SMC5: variants seen among roughly 807,000 people sequenced by gnomAD.
The protein encoded by SMC5 is structural maintenance of chromosomes 5.
In SMC5, 88 loss-of-function variants were observed where a neutral mutation model predicts 148.3. That is an observed-to-expected ratio of 0.59 (90% confidence interval 0.50 to 0.71). SMC5 has a LOEUF of 0.71. Among genes scored for constraint, SMC5 ranks in the 30% least tolerant of loss-of-function variants. SMC5 has a pLI of 0.00. For missense variants in SMC5, 1,142 were observed against 1,298.9 expected (o/e 0.88, Z 1.86); for synonymous variants, 421 against 432.8 (o/e 0.97, Z 0.34).
rs1051399673 is a variant in SMC5, at chr9:70,353,212, T to G, written c.*881T>G. Reference sequence around the variant, plus strand: ...TTCATATACTGGTTTCTACAATTTATATTTGAAATTTCTCAGTGTTATGTA... The same window carrying G: ...TTCATATACTGGTTTCTACAATTTAGATTTGAAATTTCTCAGTGTTATGTA... On this transcript the variant is annotated 3_prime_UTR_variant, in exon 25 of 25. Coordinates refer to ENST00000361138, the MANE Select transcript of SMC5 (RefSeq NM_015110.4). 6.6e-6 allele frequency: 1 copy of G among 152,174 alleles called. No homozygotes were observed. The highest frequency in any genetic ancestry group is 6.5e-5 in the Admixed American group (1 of 15,278). 9.4% of individuals were successfully genotyped at this position (152,174 alleles called of 1,614,324 possible). A position where few individuals can be genotyped will look rare whatever the true frequency, so the allele number is the denominator to read the frequency against.
intron 17 of SMC5, among the ~76,000 whole-genome samples, chr9:70,340,664 A>G (rs2036497222): frequency 6.6e-6 from 1 of 152,098 alleles, no homozygotes; most frequent in African/African-American, 2.4e-5. Flanking sequence ...TCATATAGAA[A>G]ATGGTTTTCA....
rs144724412 is a variant in SMC5, at chr9:70,291,168, T to C, written c.1053+4897T>C. On this transcript the variant is annotated intron_variant, in intron 8 of 24. Coordinates refer to ENST00000361138, the MANE Select transcript of SMC5 (RefSeq NM_015110.4). ...TCTTATTCTTGGTCATATGTGGCTA[T>C]TGAAGTCACTACTAGGTTAGTTTAG... 3.9e-3 allele frequency among the ~76,000 whole-genome samples: 597 copies of C among 152,290 alleles called. 3 individuals carry two copies. Among genetic ancestry groups the C allele is most frequent in the African/African-American group, 0.013 (552 of 41,552 alleles).
chr9:70,280,488 T>C (rs1241214888), intron 5 of SMC5, among the ~76,000 whole-genome samples: 1 of 152,238 alleles, frequency 6.6e-6, no homozygotes, highest in African/African-American at 2.4e-5. Context: ...GAGCCTGGGC[T>C]CAGATGTGAC....
At chr9:70,271,404 A>G (rs1166001168) in intron 3 of SMC5, among the ~76,000 whole-genome samples, 3 of 152,202 alleles carry the variant, frequency 2.0e-5, no homozygotes, top group South Asian at 4.1e-4. Flanking sequence ...ACAGCTCATC[A>G]TTAGTTGTTG....
In SMC5 at chr9:70,259,045, A is replaced by G; in HGVS notation, c.-34A>G. 6.4e-7 allele frequency: 1 copy of G among 1,571,818 alleles called. No individual in the cohort carries two copies. The highest frequency in any genetic ancestry group is 8.6e-7 in the Non-Finnish European group (1 of 1,157,888). ...GCGCCTGGGCTGCCGGACGGTGGGA[A>G]CGGAAGTCGCTGTGGGACGCTGAGG... On this transcript the variant is annotated 5_prime_UTR_variant, in exon 1 of 25. Transcript: ENST00000361138.
At chr9:70,274,271 TG>T (rs1564024217) in intron 3 of SMC5, among the ~76,000 whole-genome samples, 2 of 151,980 alleles carry the variant, frequency 1.3e-5, no homozygotes, top group African/African-American at 4.8e-5. Context: ...TTAGTAGAGA[TG>T]GGGTTTCACC....
At chr9:70,294,445 G>C (rs1320408096) in intron 8 of SMC5, among the ~76,000 whole-genome samples, 1 of 152,164 alleles carries the variant, frequency 6.6e-6, no homozygotes, top group African/African-American at 2.4e-5. Context: ...TTCCTGGCCA[G>C]TGTGACATAA....
chr9:70,328,603 G>A (rs1440408123), intron 17 of SMC5, among the ~76,000 whole-genome samples: 2 of 152,218 alleles, frequency 1.3e-5, no homozygotes, highest in Non-Finnish European at 2.9e-5. Flanking sequence ...AGCCCCCACA[G>A]CTGCTTTCAT....
rs147198654 is a variant in SMC5, at chr9:70,333,303, G to C, written c.2397+9160G>C. ...TTTTAAAACAGTACTATTTACAATA[G>C]CATCAAAAATGAAATACCTGGCTGG... On this transcript the variant is annotated intron_variant, in intron 17 of 24. Transcript: ENST00000361138. Among the ~76,000 whole-genome samples the C allele has an allele frequency of 5.6e-4, 85 of 152,182 alleles. No individual in the cohort carries two copies. In the East Asian group the frequency reaches 0.015, roughly 28 times the overall value.
At position 70,318,564 on chromosome 9, in the gene SMC5, T is replaced by C; in HGVS notation, c.1857T>C (p.Tyr619=). The C allele has an allele frequency of 6.2e-7, 1 of 1,611,850 alleles. No individual in the cohort carries two copies. Among genetic ancestry groups the C allele is most frequent in the Non-Finnish European group, 8.5e-7 (1 of 1,178,956 alleles). The change falls in exon 14 of 25, where the codon TAT becomes TAC. Residue 619 remains tyrosine (Y), a synonymous_variant. Transcript: ENST00000361138. ...LKQIYTAEEK[Y]VVKTSFYSNK... Reference sequence around the variant, plus strand: ...AGATTTATACAGCAGAAGAAAAGTATGTGGTGAAAACTTCTTTTTATTCAA... The same window carrying C: ...AGATTTATACAGCAGAAGAAAAGTACGTGGTGAAAACTTCTTTTTATTCAA...
intron 7 of SMC5, among the ~76,000 whole-genome samples, chr9:70,283,370 G>A (rs2034806752): frequency 6.6e-6 from 1 of 152,178 alleles, no homozygotes; most frequent in Non-Finnish European, 1.5e-5. Flanking sequence ...ATGAGGCTGA[G>A]GCAGGAGGAT....
At chr9:70,283,807 A>G (rs1419364010) in intron 7 of SMC5, among the ~76,000 whole-genome samples, 1 of 152,124 alleles carries the variant, frequency 6.6e-6, no homozygotes, top group East Asian at 1.9e-4. Flanking sequence ...TTTTTTTTAC[A>G]GGCATCATCT....
chr9:70,323,252 G>A (rs1167333987), intron 15 of SMC5, among the ~76,000 whole-genome samples: 1 of 152,072 alleles, frequency 6.6e-6, no homozygotes, highest in Admixed American at 6.6e-5. Context: ...TTCGTTTCTG[G>A]TTTTTAGCTA....
chr9:70,267,705 C>T (rs959450078), intron 2 of SMC5, among the ~76,000 whole-genome samples: 2 of 151,898 alleles, frequency 1.3e-5, no homozygotes, highest in African/African-American at 2.4e-5. Context: ...CATAGGAGTT[C>T]GATAAATCTT....
At chr9:70,348,269 C>A (rs940272469) in intron 22 of SMC5, among the ~76,000 whole-genome samples, 7 of 151,908 alleles carry the variant, frequency 4.6e-5, no homozygotes, top group African/African-American at 1.7e-4. Flanking sequence ...TTTTATACAT[C>A]TGAGTAATGG....
chr9:70,268,353 G>C (rs2034349764), intron 3 of SMC5, among the ~76,000 whole-genome samples: 1 of 152,086 alleles, frequency 6.6e-6, no homozygotes, highest in Admixed American at 6.5e-5. Context: ...GTCTGAGGCA[G>C]GAGAATTGCT....
In SMC5 at chr9:70,319,050, A is replaced by G. The variant is rs530303821; in HGVS notation, c.2150+87A>G. 1.4e-3 allele frequency: 1,557 copies of G among 1,140,968 alleles called. 3 individuals carry two copies. The highest frequency in any genetic ancestry group is 1.7e-3 in the Non-Finnish European group (1,415 of 841,254). The allele number at this position is 1,140,968 out of a possible 1,614,324, so 70.7% of individuals were successfully genotyped here. ...ACACTGTAATAACAACAGCATTTCC[A>G]CAAGCACGCTTTGTAGTAATTTCTC... On this transcript the variant is annotated intron_variant, in intron 15 of 24. Coordinates refer to ENST00000361138, the MANE Select transcript of SMC5 (RefSeq NM_015110.4).
chr9:70,326,054 A>G (rs13297876), intron 17 of SMC5, among the ~76,000 whole-genome samples: 2,983 of 152,298 alleles, frequency 0.02, 95 homozygotes, highest in Admixed American at 0.082. Context: ...AAAAACAAAT[A>G]TGACATAAAA....
chr9:70,295,681 A>G (rs73454766), intron 8 of SMC5, among the ~76,000 whole-genome samples: 1,806 of 152,188 alleles, frequency 0.012, 27 homozygotes, highest in African/African-American at 0.04. Context: ...GTGTTCAGAA[A>G]ACTTAATTGA....
Sources: allele counts gnomAD v4.1 joint callset (sites outside exome capture counted in the v4.1 genomes callset), GRCh38; gene constraint gnomAD v4.1.1; transcripts MANE v1.5; gene names NCBI Gene and HGNC (gene_info 2026-07-23, HGNC 2026-07-21).